The following ASIC2 variants were observed in gnomAD, a reference collection of about 807,000 sequenced individuals.
ASIC2 encodes acid-sensing ion channel 2.
Under a neutral mutation model 57.3 loss-of-function variants are expected in ASIC2, and 25 were observed. That is an observed-to-expected ratio of 0.44 (90% CI 0.32 to 0.61). ASIC2 has a LOEUF of 0.61. Ranked by LOEUF, ASIC2 falls within the 20% of genes least tolerant of loss-of-function variation. The pLI is 0.06. For synonymous variants in ASIC2, 319 were observed against 307.5 expected, an observed-to-expected ratio of 1.04 and a Z score of -0.39; for missense variants, 641 against 738.1, an observed-to-expected ratio of 0.87 and a Z score of 1.52.
intron 1 of ASIC2, among the ~76,000 whole-genome samples, chr17:33,861,105 T>A (rs917200147): frequency 2.0e-5 from 3 of 152,138 alleles, no homozygotes; most frequent in Non-Finnish European, 4.4e-5. Flanking sequence ...AGATATTAAA[T>A]AGAAGGAAAA....
intron 1 of ASIC2, among the ~76,000 whole-genome samples, chr17:33,245,255 C>A (rs1041573065): frequency 6.6e-6 from 1 of 152,076 alleles, no homozygotes; most frequent in South Asian, 2.1e-4. Flanking sequence ...AGGAAAAGAT[C>A]AATTAAAGTG....
At chr17:34,099,293 AAGAAAGAAAG>A (rs929320914) in intron 1 of ASIC2, among the ~76,000 whole-genome samples, 1 of 147,592 alleles carries the variant, frequency 6.8e-6, no homozygotes, top group African/African-American at 2.5e-5. Context: ...GAAAGGAAGG[AAGAAAGAAAG>A]AGAAAGAAAG....
chr17:33,231,089 G>A (rs1419894842), intron 1 of ASIC2, among the ~76,000 whole-genome samples: 1 of 152,168 alleles, frequency 6.6e-6, no homozygotes, highest in Non-Finnish European at 1.5e-5. Flanking sequence ...AGGGAGCTGA[G>A]CATCGAGGTG....
chr17:33,467,169 G>T (rs1225611130), intron 1 of ASIC2, among the ~76,000 whole-genome samples: 1 of 152,178 alleles, frequency 6.6e-6, no homozygotes, highest in East Asian at 1.9e-4. Flanking sequence ...TCAAACTCCT[G>T]AGCTCAAGCG....
intron 1 of ASIC2, among the ~76,000 whole-genome samples, chr17:34,027,721 AC>A (rs1448932446): frequency 6.6e-6 from 1 of 152,146 alleles, no homozygotes; most frequent in Non-Finnish European, 1.5e-5. Flanking sequence ...TCGTTAGCAC[AC>A]CCTCCATTGT....
At chr17:33,262,225 C>A (rs1484530873) in intron 1 of ASIC2, among the ~76,000 whole-genome samples, 3 of 152,162 alleles carry the variant, frequency 2.0e-5, no homozygotes, top group African/African-American at 7.2e-5. Context: ...CTTCAAAATT[C>A]ACCACCCCTC....
chr17:33,978,455 T>C (rs916588426), intron 1 of ASIC2, among the ~76,000 whole-genome samples: 9 of 152,186 alleles, frequency 5.9e-5, no homozygotes, highest in African/African-American at 2.2e-4. Flanking sequence ...CCCTGGACTT[T>C]AGTTTCTGCA....
intron 1 of ASIC2, among the ~76,000 whole-genome samples, chr17:34,047,867 A>G (rs1173178951): frequency 1.3e-5 from 2 of 152,244 alleles, no homozygotes; most frequent in African/African-American, 2.4e-5. Context: ...CCCCACTCGG[A>G]CAAAGTTTAC....
At chr17:33,921,568 G>A in intron 1 of ASIC2, among the ~76,000 whole-genome samples, 1 of 152,128 alleles carries the variant, frequency 6.6e-6, no homozygotes, top group East Asian at 1.9e-4. Flanking sequence ...TGGTGGGGCA[G>A]GACTGGGGCA....
At chr17:33,655,432 TG>T (rs1567680469) in intron 1 of ASIC2, among the ~76,000 whole-genome samples, 1 of 152,234 alleles carries the variant, frequency 6.6e-6, no homozygotes, top group African/African-American at 2.4e-5. Context: ...TGTTGAAGAA[TG>T]GTCTGCCCAC....
intron 2 of ASIC2, among the ~76,000 whole-genome samples, chr17:33,103,843 G>A (rs1022819500): frequency 6.6e-6 from 1 of 152,134 alleles, no homozygotes; most frequent in African/African-American, 2.4e-5. Context: ...TCCAAGTCCC[G>A]AGTTTGTAAG....
chr17:34,030,622 TAGAC>T (rs985306828), intron 1 of ASIC2, among the ~76,000 whole-genome samples: 1 of 152,154 alleles, frequency 6.6e-6, no homozygotes, highest in Admixed American at 6.5e-5. Flanking sequence ...AAAGGGGTGA[TAGAC>T]AGCACCTGGA....
At chr17:33,116,186 G>T (rs1464866895) in intron 1 of ASIC2, among the ~76,000 whole-genome samples, 2 of 152,332 alleles carry the variant, frequency 1.3e-5, no homozygotes, top group African/African-American at 4.8e-5. Flanking sequence ...GCCTTTGCTG[G>T]TCTCTCCGCC....
chr17:34,027,493 A>T (rs1907424364), intron 1 of ASIC2, among the ~76,000 whole-genome samples: 2 of 152,110 alleles, frequency 1.3e-5, no homozygotes, highest in African/African-American at 4.8e-5. Context: ...CTAGAGTCAC[A>T]AGTTATCTTT....
chr17:33,797,806 T>C (rs1911964118), intron 1 of ASIC2, among the ~76,000 whole-genome samples: 2 of 152,206 alleles, frequency 1.3e-5, no homozygotes, highest in Non-Finnish European at 2.9e-5. Context: ...TTGGGGACAC[T>C]GCTCAGTGCT....
intron 1 of ASIC2, among the ~76,000 whole-genome samples, chr17:33,869,317 G>A (rs777233625): frequency 7.2e-5 from 11 of 152,128 alleles, no homozygotes; most frequent in Middle Eastern, 3.2e-3. Flanking sequence ...TGGTGGGAAC[G>A]TAAAATGGCA....
intron 1 of ASIC2, among the ~76,000 whole-genome samples, chr17:33,306,117 A>AT (rs991079341): frequency 3.3e-5 from 5 of 152,078 alleles, no homozygotes; most frequent in African/African-American, 9.7e-5. Flanking sequence ...TTTTTACCAC[A>AT]TTTTTTTCCC....
At chr17:33,069,819 T>C (rs1315179448) in intron 3 of ASIC2, among the ~76,000 whole-genome samples, 1 of 152,218 alleles carries the variant, frequency 6.6e-6, no homozygotes, top group Non-Finnish European at 1.5e-5. Flanking sequence ...ATTGTTGTGG[T>C]TAAACCATTT....
At chr17:33,509,083 A>T (rs1567634591) in intron 1 of ASIC2, among the ~76,000 whole-genome samples, 1 of 152,166 alleles carries the variant, frequency 6.6e-6, no homozygotes, top group African/African-American at 2.4e-5. Flanking sequence ...GAAAGATGTG[A>T]GTTAATGAAT....
Sources: allele counts gnomAD v4.1 joint callset (sites outside exome capture counted in the v4.1 genomes callset), GRCh38; gene constraint gnomAD v4.1.1; transcripts MANE v1.5; gene names NCBI Gene and HGNC (gene_info 2026-07-23, HGNC 2026-07-21).